Variants in CENPN observed in about 807,000 individuals in gnomAD.
The protein encoded by CENPN is centromere protein N.
Under a neutral mutation model 48.6 loss-of-function variants are expected in CENPN, and 36 were observed. The observed-to-expected ratio is 0.74, with a 90% CI of 0.57 to 0.98. CENPN has a LOEUF of 0.98. Among genes scored for constraint, CENPN ranks in the 50% least tolerant of loss-of-function variants. The probability of loss-of-function intolerance (pLI) is 0.00; values close to 1 mark genes in which losing one functional copy is unlikely to be tolerated. For missense variants in CENPN, 439 were observed against 399.2 expected (o/e 1.10, Z -0.85); for synonymous variants, 166 against 135.2 (o/e 1.23, Z -1.58).
chr16:81,027,880 T>C (rs1970580458), intron 9 of CENPN, among the ~76,000 whole-genome samples: 3 of 152,150 alleles, frequency 2.0e-5, no homozygotes, highest in Admixed American at 2.0e-4. Context: ...AATTATTGTA[T>C]TTTTAGTTAA....
downstream of CENPN, among the ~76,000 whole-genome samples, chr16:81,031,947 G>C (rs1009718594): frequency 1.3e-5 from 2 of 152,134 alleles, no homozygotes; most frequent in Non-Finnish European, 2.9e-5. Flanking sequence ...CCAACTCACT[G>C]TTTCATTTGT....
At chr16:81,020,386 A>AC in intron 6 of CENPN, 110 bp downstream of exon 6, 2 of 1,113,118 alleles carry the variant, frequency 1.8e-6, no homozygotes, top group Non-Finnish European at 2.5e-6. Context: ...GGCCAGGTGC[A>AC]GTGGCATGTA....
rs762845638 is a variant in CENPN at position 81,024,782 on chromosome 16, CGT to C, written c.697+11_697+12del. On this transcript the variant is annotated splice_donor_5th_base_variant and intron_variant, in intron 8 of 10. Transcript: ENST00000305850. ...AGCCTTGGACTAGATATAAATAGTA[CGT>C]GTGTGTTAATATGAAACTGAATTTT... 2.3e-5 allele frequency: 37 copies of C among 1,587,548 alleles called. No homozygotes were observed. The highest frequency in any genetic ancestry group is 3.2e-5 in the Non-Finnish European group (37 of 1,161,894).
intron 7 of CENPN, chr16:81,023,172 GA>G (rs1377247881): frequency 8.3e-5 from 27 of 325,892 alleles, no homozygotes; most frequent in Non-Finnish European, 1.6e-4. Context: ...CCCCTCTAAT[GA>G]CAAATACAGA....
At chr16:81,023,510 G>A (rs1970311184) in intron 7 of CENPN, 1 of 152,210 alleles carries the variant, frequency 6.6e-6, no homozygotes, top group Non-Finnish European at 1.5e-5. Flanking sequence ...GGGCAGCATA[G>A]GGAGACCACA....
rs1395611402 is a variant in CENPN at position 81,016,349 on chromosome 16, T to C, written c.218-977T>C. Among the ~76,000 whole-genome samples the C allele has an allele frequency of 2.6e-5, 4 of 152,120 alleles. No homozygotes were observed. The East Asian group carries it at 7.7e-4, about 29-fold the overall frequency. On this transcript the variant is annotated intron_variant, in intron 3 of 10. Transcript: ENST00000305850. Reference sequence around the variant, plus strand: ...GTCTCTTAGAAAAACAAAACAAATATTGAGTGCTTGCTTTATGCCACGCAG... The same window carrying C: ...GTCTCTTAGAAAAACAAAACAAATACTGAGTGCTTGCTTTATGCCACGCAG...
intron 5 of CENPN, among the ~76,000 whole-genome samples, chr16:81,019,445 T>C (rs955720478): frequency 1.6e-4 from 25 of 151,726 alleles, no homozygotes; most frequent in African/African-American, 6.1e-4. Flanking sequence ...TCAAAACTCC[T>C]GGGCTCAAGC....
Position 81,022,615 on chromosome 16 carries a change from A to G in CENPN, c.550A>G (p.Lys184Glu). The G allele has an allele frequency of 6.2e-7, 1 of 1,614,112 alleles. No individual in the cohort carries two copies. The highest frequency in any genetic ancestry group is 8.5e-7 in the Non-Finnish European group (1 of 1,179,986). The change falls in exon 7 of 11, where the codon AAA becomes GAA. Residue 184 changes from lysine (K) to glutamate (E), a missense_variant. Transcript: ENST00000305850. ...TTTCAAGGCGCTGACAATTGCTAGCAAACACCATCAGATTGTGAAAATGGA... is the reference window on the plus strand; with the variant it reads ...TTTCAAGGCGCTGACAATTGCTAGCGAACACCATCAGATTGTGAAAATGGA... ...LLGQALTIAS[K>E]HHQIVKMDLR... is the part of the protein sequence containing the mutation.
intron 5 of CENPN, among the ~76,000 whole-genome samples, chr16:81,018,199 C>A (rs890347025): frequency 1.3e-5 from 2 of 151,232 alleles, no homozygotes; most frequent in East Asian, 3.9e-4. Flanking sequence ...TTCCTTGAGA[C>A]AGAGTCTTAC....
chr16:81,026,779 A>G (rs1970517357), intron 9 of CENPN, 141 bp downstream of exon 9: 4 of 457,746 alleles, frequency 8.7e-6, no homozygotes, highest in Non-Finnish European at 1.6e-5. Flanking sequence ...TATGAATTAA[A>G]TAGACCTCTT....
intron 1 of CENPN, 101 bp from the exon 2 acceptor site, chr16:81,011,829 C>G: frequency 1.0e-6 from 1 of 978,728 alleles, no homozygotes; most frequent in Non-Finnish European, 1.5e-6. Context: ...CTAGTGAGAC[C>G]CTGTCTCTAT....
Position 81,025,685 on chromosome 16 carries a change from GTC to G in CENPN, c.698-835_698-834del, listed in dbSNP as rs1567554924. Among the ~76,000 whole-genome samples, 2 of 6,692 alleles carry G rather than the reference GTC, an allele frequency of 3.0e-4. 1 individual carries two copies. The highest frequency in any genetic ancestry group is 6.2e-3 in the Admixed American group (2 of 324). The allele number at this position is 6,692 out of a possible 152,430, so 4.4% of individuals were successfully genotyped here. A position where few individuals can be genotyped will look rare whatever the true frequency, so the allele number is the denominator to read the frequency against. On this transcript the variant is annotated intron_variant, in intron 8 of 10. Coordinates refer to ENST00000305850, the MANE Select transcript of CENPN (RefSeq NM_001100624.3). ...AGACTGGGCAACATAGTGAGACCCTGTCTCTCTTTTTTTTTTTTTTTTTTTTT... is the reference window on the plus strand; with the variant it reads ...AGACTGGGCAACATAGTGAGACCCTGTCTCTTTTTTTTTTTTTTTTTTTTT...
intron 5 of CENPN, among the ~76,000 whole-genome samples, chr16:81,019,454 G>A (rs1390147646): frequency 6.6e-6 from 1 of 151,448 alleles, no homozygotes; most frequent in African/African-American, 2.4e-5. Context: ...CTGGGCTCAA[G>A]CGATCCTCCT....
In CENPN at chr16:81,017,381, A is replaced by G. The variant is rs532597905; in HGVS notation, c.273A>G (p.Gly91=). 64 of 1,576,626 alleles carry G rather than the reference A, an allele frequency of 4.1e-5. No individual in the cohort carries two copies. The South Asian group carries it at 6.6e-4, about 16-fold the overall frequency. The change falls in exon 4 of 11, where the codon GGA becomes GGG. Residue 91 remains glycine, a synonymous_variant. Transcript: ENST00000305850. ...KVWEVFQMSK[G]PGEDVDLFDM... is the part of the protein sequence containing the mutation. ...GGGAAGTTTTTCAGATGAGTAAAGG[A>G]CCAGGTAATATTTTCTGTTTACAAT... is the stretch of plus-strand genomic sequence containing the variant.
intron 5 of CENPN, among the ~76,000 whole-genome samples, chr16:81,018,232 A>C (rs558212389): frequency 6.6e-6 from 1 of 151,300 alleles, no homozygotes; most frequent in African/African-American, 2.4e-5. Flanking sequence ...GCTGGAGTGC[A>C]GTGGCGAGAT....
At position 81,030,156 on chromosome 16, in the gene CENPN, G is replaced by C; in HGVS notation, c.*1505G>C. On this transcript the variant is annotated 3_prime_UTR_variant, in exon 11 of 11. Transcript: ENST00000305850. Reference sequence around the variant, plus strand: ...ACCTGGCCCTGCCCTTGTCACATGGGGGTTATTACAATTCAAGGTGACACT... The same window carrying C: ...ACCTGGCCCTGCCCTTGTCACATGGCGGTTATTACAATTCAAGGTGACACT... The C allele has an allele frequency of 1.0e-6, 1 of 971,374 alleles. No individual in the cohort carries two copies. Among genetic ancestry groups the C allele is most frequent in the Non-Finnish European group, 1.2e-6 (1 of 817,304 alleles). The allele number at this position is 971,374 out of a possible 1,614,324, so 60.2% of individuals were successfully genotyped here.
chr16:81,031,866 G>T (rs1970793142), downstream of CENPN, among the ~76,000 whole-genome samples: 2 of 152,168 alleles, frequency 1.3e-5, no homozygotes, highest in African/African-American at 4.8e-5. Flanking sequence ...GCCTCCCAAA[G>T]TGCTGGGATT....
At position 81,012,154 on chromosome 16, in the gene CENPN, C is replaced by T. The variant is rs377633209; in HGVS notation, c.171+44C>T. The T allele has an allele frequency of 5.2e-4, 808 of 1,565,236 alleles. 7 individuals are homozygous for T. The South Asian group carries it at 8.7e-3, about 17-fold the overall frequency. On this transcript the variant is annotated intron_variant, in intron 2 of 10. Transcript: ENST00000305850. ...ATGAGCCTTGAACAGAGTGCTACCC[C>T]CTTGGGTTTTTCTTTCTTCTATTCC... is the stretch of plus-strand genomic sequence containing the variant.
chr16:81,018,528 T>C (rs1304493688), intron 5 of CENPN, among the ~76,000 whole-genome samples: 3 of 152,190 alleles, frequency 2.0e-5, no homozygotes. Flanking sequence ...TAGCCACATG[T>C]AGCTAGTAGT....
Sources: gnomAD v4.1 joint callset for allele counts (sites outside exome capture counted in the v4.1 genomes callset) on GRCh38, gnomAD v4.1.1 for gene constraint, MANE v1.5 for transcripts, NCBI Gene and HGNC (gene_info 2026-07-23, HGNC 2026-07-21) for gene names.